Variants in RBM47 observed in about 807,000 individuals in gnomAD.
RBM47 encodes RNA binding motif protein 47, also known as RNA-binding protein 47.
Under a neutral mutation model 47.1 loss-of-function variants are expected in RBM47, and 21 were observed. The observed-to-expected ratio is 0.45, with a 90% CI of 0.32 to 0.64. The LOEUF (loss-of-function observed/expected upper bound fraction) is 0.64. Ranked by LOEUF, RBM47 falls within the 30% of genes least tolerant of loss-of-function variation. RBM47 has a pLI of 0.05. For synonymous variants in RBM47, 375 were observed against 361.7 expected, an observed-to-expected ratio of 1.04 and a Z score of -0.42; for missense variants, 708 against 870.9, an observed-to-expected ratio of 0.81 and a Z score of 2.35.
intron 1 of RBM47, among the ~76,000 whole-genome samples, chr4:40,544,749 TAA>T (rs1040919817): frequency 1.3e-5 from 2 of 152,074 alleles, no homozygotes; most frequent in Non-Finnish European, 2.9e-5. Flanking sequence ...TCATATTAAT[TAA>T]AAGACACTCA....
In RBM47 at chr4:40,611,753, CA is replaced by C. The variant is rs1020186244; in HGVS notation, c.-240+17642del. Among the ~76,000 whole-genome samples, 3 of 151,494 alleles carry C rather than the reference CA, an allele frequency of 2.0e-5. No homozygotes were observed. The South Asian group carries it at 6.3e-4, about 32-fold the overall frequency. On this transcript the variant is annotated intron_variant, in intron 1 of 6. Transcript: ENST00000295971. The stretch of plus-strand genomic sequence containing the variant: ...CAAAAAAAACAAAAACAAAACAAAA[CA>C]AAAAAAACCACCCACATAGAATCAT...
chr4:40,447,365 T>C (rs1354743206), intron 3 of RBM47, among the ~76,000 whole-genome samples: 1 of 152,140 alleles, frequency 6.6e-6, no homozygotes, highest in Non-Finnish European at 1.5e-5. Flanking sequence ...ACTTGTTGGG[T>C]TAAAATAAAA....
chr4:40,442,120 G>A (rs540697980), intron 3 of RBM47, among the ~76,000 whole-genome samples: 101 of 152,232 alleles, frequency 6.6e-4, no homozygotes, highest in Non-Finnish European at 1.1e-3. Flanking sequence ...CATGAATTGA[G>A]CTGTTTGTAT....
intron 3 of RBM47, among the ~76,000 whole-genome samples, chr4:40,460,661 G>A (rs889217509): frequency 6.6e-6 from 1 of 152,042 alleles, no homozygotes; most frequent in African/African-American, 2.4e-5. Context: ...GCTGAGGCAG[G>A]TGGATCACCT....
At chr4:40,591,933 C>T (rs569398642) in intron 1 of RBM47, among the ~76,000 whole-genome samples, 17 of 152,136 alleles carry the variant, frequency 1.1e-4, no homozygotes, top group Non-Finnish European at 1.3e-4. Context: ...AAAATGGAAC[C>T]TCTCAAAGTT....
In RBM47 at chr4:40,511,714, G is replaced by A. The variant is rs543007845; in HGVS notation, c.-155+32708C>T. On this transcript the variant is annotated intron_variant, in intron 2 of 6. Coordinates refer to ENST00000295971, the MANE Select transcript of RBM47 (RefSeq NM_001098634.2). Reference sequence around the variant, plus strand: ...CTCAAGCCTGTAATCTCAGCACTTCGGGAGGCCGAGGTGGGCAGATCAGTT... The same window carrying A: ...CTCAAGCCTGTAATCTCAGCACTTCAGGAGGCCGAGGTGGGCAGATCAGTT... Among the ~76,000 whole-genome samples the A allele has an allele frequency of 2.1e-4, 32 of 152,270 alleles. No homozygotes were observed. The South Asian group carries it at 5.0e-3, about 24-fold the overall frequency.
chr4:40,581,487 G>C (rs1732942474), intron 1 of RBM47, among the ~76,000 whole-genome samples: 1 of 150,892 alleles, frequency 6.6e-6, no homozygotes. Flanking sequence ...TCATTGGAGA[G>C]TGTTAAGCTT....
At chr4:40,464,111 A>G (rs145034444) in intron 3 of RBM47, among the ~76,000 whole-genome samples, 4,407 of 152,348 alleles carry the variant, frequency 0.029, 69 homozygotes, top group Non-Finnish European at 0.041. Flanking sequence ...ACATAATAGT[A>G]TATATTTACA....
intron 2 of RBM47, among the ~76,000 whole-genome samples, chr4:40,498,009 AAAGT>A (rs1722838834): frequency 6.8e-6 from 1 of 146,378 alleles, no homozygotes; most frequent in African/African-American, 2.5e-5. Flanking sequence ...AACCAAAACC[AAAGT>A]AAGCCTCCTT....
intron 1 of RBM47, among the ~76,000 whole-genome samples, chr4:40,600,275 A>T (rs1165663822): frequency 6.6e-6 from 1 of 151,984 alleles, no homozygotes; most frequent in African/African-American, 2.4e-5. Flanking sequence ...TGCCTCCAAA[A>T]GTGTTGGCGT....
chr4:40,530,263 G>C (rs1266672920), intron 2 of RBM47, among the ~76,000 whole-genome samples: 5 of 151,472 alleles, frequency 3.3e-5, no homozygotes, highest in Admixed American at 2.6e-4. Context: ...ATTCTAGGTG[G>C]AGCATCTTCT....
chr4:40,438,628 G>C lies in RBM47; in HGVS notation c.266C>G (p.Pro89Arg). 1 of 1,613,478 alleles carries C rather than the reference G, an allele frequency of 6.2e-7. No homozygotes were observed. Among genetic ancestry groups the C allele is most frequent in the Admixed American group, 1.7e-5 (1 of 60,030 alleles). Residue 89 changes from proline to arginine, a missense_variant, in exon 4 of 7, where the codon CCC becomes CGC. By Grantham distance (103) the Pro-to-Arg change is moderately radical. Transcript: ENST00000295971. Reference sequence around the variant, plus strand: ...GATGCGGCCCACGGCCTCGAACACGGGCACCAGCTCGTCCTCGTACACGTC... The same window carrying C: ...GATGCGGCCCACGGCCTCGAACACGCGCACCAGCTCGTCCTCGTACACGTC... ...PRDVYEDELV[P>R]VFEAVGRIYE...
chr4:40,445,225 G>A (rs1160263523), intron 3 of RBM47, among the ~76,000 whole-genome samples: 1 of 142,114 alleles, frequency 7.0e-6, no homozygotes, highest in Non-Finnish European at 1.5e-5. Context: ...AGTGAGCCGA[G>A]ATCACACCAC....
rs543625560 is a variant in RBM47, at chr4:40,553,000, C to T, written c.-239-8494G>A. ...TTTTTTTTTTTGAGACGGAGTCTCA[C>T]GCTGTCACCCAGGCTGGAGTGCAGT... On this transcript the variant is annotated intron_variant, in intron 1 of 6. Coordinates refer to ENST00000295971, the MANE Select transcript of RBM47 (RefSeq NM_001098634.2). Among the ~76,000 whole-genome samples the T allele has an allele frequency of 1.4e-4, 22 of 151,982 alleles. No homozygotes were observed. The Middle Eastern group carries it at 0.01, about 70-fold the overall frequency.
chr4:40,541,115 C>G (rs1728492964), intron 2 of RBM47, among the ~76,000 whole-genome samples: 10 of 151,216 alleles, frequency 6.6e-5, no homozygotes, highest in Admixed American at 6.6e-4. Context: ...ATGGCGAGAC[C>G]TCATCTCTAT....
At chr4:40,614,671 C>T (rs915645823) in intron 1 of RBM47, among the ~76,000 whole-genome samples, 1 of 118,092 alleles carries the variant, frequency 8.5e-6, no homozygotes, top group East Asian at 2.4e-4. Flanking sequence ...CCCATCTCTA[C>T]AAAAAAAAAA....
At chr4:40,554,795 C>T (rs913776004) in intron 1 of RBM47, among the ~76,000 whole-genome samples, 25 of 136,042 alleles carry the variant, frequency 1.8e-4, no homozygotes, top group Non-Finnish European at 4.0e-4. Context: ...TTTTTTTTAA[C>T]GAATCTCCCA....
chr4:40,583,857 C>CA (rs11357660), intron 1 of RBM47, among the ~76,000 whole-genome samples: 4 of 114,786 alleles, frequency 3.5e-5, no homozygotes, highest in Non-Finnish European at 5.6e-5. Context: ...GACTCCGTCT[C>CA]AAAAAAAAAA....
At chr4:40,452,483 A>G (rs1715591827) in intron 3 of RBM47, among the ~76,000 whole-genome samples, 5 of 152,150 alleles carry the variant, frequency 3.3e-5, no homozygotes, top group Admixed American at 3.3e-4. Context: ...AAACGATTTT[A>G]TAAATTTGTT....
Sources: allele counts gnomAD v4.1 joint callset (sites outside exome capture counted in the v4.1 genomes callset), GRCh38; gene constraint gnomAD v4.1.1; transcripts MANE v1.5; gene names NCBI Gene and HGNC (gene_info 2026-07-23, HGNC 2026-07-21).